Variants in AKT3 observed in about 807,000 individuals in gnomAD.
AKT3 encodes AKT serine/threonine kinase 3.
Under a neutral mutation model 65.3 loss-of-function variants are expected in AKT3, and 15 were observed. The ratio of observed to expected loss-of-function variants is 0.23; its 90% CI spans 0.15 to 0.35. The LOEUF is 0.35. Among genes scored for constraint, AKT3 ranks in the 10% least tolerant of loss-of-function variants. The pLI is 1.00. For missense variants in AKT3, 243 were observed against 576.5 expected (o/e 0.42, Z 5.92); for synonymous variants, 206 against 183.8 (o/e 1.12, Z -0.98).
chr1:243,772,738 A>G (rs1215722187), intron 2 of AKT3, among the ~76,000 whole-genome samples: 1 of 152,128 alleles, frequency 6.6e-6, no homozygotes, highest in African/African-American at 2.4e-5. Context: ...ACATGCACAC[A>G]TATGTTTATT....
intron 2 of AKT3, among the ~76,000 whole-genome samples, chr1:243,713,375 A>G (rs1364744408): frequency 6.6e-6 from 1 of 152,182 alleles, no homozygotes; most frequent in Non-Finnish European, 1.5e-5. Context: ...TAACGAAATA[A>G]GGGAGGGGGG....
chr1:243,542,274 T>C lies in AKT3; in HGVS notation c.1251+3236A>G, dbSNP rs192405477. On this transcript the variant is annotated intron_variant, in intron 12 of 13. Coordinates refer to ENST00000673466, the MANE Select transcript of AKT3 (RefSeq NM_005465.7). Reference sequence around the variant, plus strand: ...TTGAAGGTAGTTAAAGGATCATATCTTTTGCATGAGTAAATGACCTGTCCA... The same window carrying C: ...TTGAAGGTAGTTAAAGGATCATATCCTTTGCATGAGTAAATGACCTGTCCA... 1.1e-3 allele frequency among the ~76,000 whole-genome samples: 171 copies of C among 152,348 alleles called. 1 individual carries two copies. Among genetic ancestry groups the C allele is most frequent in the Non-Finnish European group, 2.0e-3 (133 of 68,038 alleles).
chr1:243,615,894 G>A (rs1470953957), intron 6 of AKT3, among the ~76,000 whole-genome samples: 1 of 151,812 alleles, frequency 6.6e-6, no homozygotes, highest in Non-Finnish European at 1.5e-5. Flanking sequence ...ACCATGCCCA[G>A]CCTTATATGC....
Position 243,750,859 on chromosome 1 carries a change from G to C in AKT3, c.47-55143C>G, listed in dbSNP as rs1159771450. Reference sequence around the variant, plus strand: ...GGCCTCCCAAAGTGCTGGGATTACAGGTATGAGCCACCACACCTAGCCAAT... The same window carrying C: ...GGCCTCCCAAAGTGCTGGGATTACACGTATGAGCCACCACACCTAGCCAAT... On this transcript the variant is annotated intron_variant, in intron 2 of 13. Transcript: ENST00000673466. 3.3e-5 allele frequency among the ~76,000 whole-genome samples: 5 copies of C among 151,920 alleles called. No individual in the cohort carries two copies. In the East Asian group the frequency reaches 9.7e-4, roughly 29 times the overall value.
chr1:243,806,084 A>G (rs1384934567), intron 2 of AKT3, among the ~76,000 whole-genome samples: 1 of 152,064 alleles, frequency 6.6e-6, no homozygotes, highest in Non-Finnish European at 1.5e-5. Context: ...CTTCTCACCC[A>G]AAAAAATTCC....
At chr1:243,509,513 C>G (rs1036317180) in intron 13 of AKT3, among the ~76,000 whole-genome samples, 2 of 152,100 alleles carry the variant, frequency 1.3e-5, no homozygotes, top group African/African-American at 4.8e-5. Flanking sequence ...GAGTCATATA[C>G]AACAGTTTCT....
intron 1 of AKT3, 62 bp downstream of exon 1, chr1:243,849,978 G>T: frequency 1.0e-6 from 1 of 969,118 alleles, no homozygotes; most frequent in Non-Finnish European, 1.2e-6. Context: ...CCGGGGCCCG[G>T]GGCCCGGAGG....
chr1:243,811,232 T>C (rs890460853), intron 2 of AKT3, among the ~76,000 whole-genome samples: 3 of 152,288 alleles, frequency 2.0e-5, no homozygotes, highest in Non-Finnish European at 2.9e-5. Context: ...GGAAGTCAAA[T>C]TGTCCCTATT....
chr1:243,495,954 C>T (rs1056299340), downstream of AKT3, among the ~76,000 whole-genome samples: 3 of 152,076 alleles, frequency 2.0e-5, no homozygotes, highest in Non-Finnish European at 2.9e-5. Context: ...CTCAGCTCTG[C>T]GTTGCTTCAG....
intron 8 of AKT3, among the ~76,000 whole-genome samples, chr1:243,592,580 G>A (rs938593448): frequency 6.6e-6 from 1 of 152,088 alleles, no homozygotes; most frequent in African/African-American, 2.4e-5. Flanking sequence ...ATGTAAAAAT[G>A]GCAAATTAGA....
At chr1:243,587,714 C>T (rs539862280) in intron 8 of AKT3, among the ~76,000 whole-genome samples, 13 of 152,056 alleles carry the variant, frequency 8.5e-5, no homozygotes, top group Non-Finnish European at 1.5e-4. Context: ...AATGTGAAAA[C>T]GGCCTTCCAA....
chr1:243,614,342 TCAGATATTCCAAA>T (rs1678130572), intron 7 of AKT3, among the ~76,000 whole-genome samples: 1 of 152,184 alleles, frequency 6.6e-6, no homozygotes, highest in East Asian at 1.9e-4. Flanking sequence ...AATGTCTATT[TCAGATATTCCAAA>T]CAGTGTAAAG....
Position 243,664,742 on chromosome 1 carries a change from T to C in AKT3, c.284+30A>G, listed in dbSNP as rs747935319. On this transcript the variant is annotated intron_variant, in intron 4 of 13. Transcript: ENST00000673466. Reference sequence around the variant, plus strand: ...CATCTTTAGATTGAGTGTTGCTTTTTCACAAAATGAAAACAAGTGAATTTC... The same window carrying C: ...CATCTTTAGATTGAGTGTTGCTTTTCCACAAAATGAAAACAAGTGAATTTC... The C allele has an allele frequency of 6.6e-6, 8 of 1,215,050 alleles. No homozygotes were observed. The East Asian group carries it at 1.9e-4, about 29-fold the overall frequency. 75.3% of individuals were successfully genotyped at this position (1,215,050 alleles called of 1,614,324 possible). A position where few individuals can be genotyped will look rare whatever the true frequency, so the allele number is the denominator to read the frequency against.
chr1:243,737,723 A>G (rs1291784572), intron 2 of AKT3, among the ~76,000 whole-genome samples: 1 of 152,194 alleles, frequency 6.6e-6, no homozygotes, highest in Non-Finnish European at 1.5e-5. Context: ...AACTATGAGA[A>G]TCCACAGGGA....
intron 2 of AKT3, among the ~76,000 whole-genome samples, chr1:243,756,789 C>T (rs1260640131): frequency 3.3e-5 from 5 of 152,128 alleles, no homozygotes; most frequent in African/African-American, 1.2e-4. Context: ...TAACAAAGGA[C>T]AAAAGAGTAC....
At chr1:243,568,082 G>A (rs927797206) in intron 9 of AKT3, among the ~76,000 whole-genome samples, 3 of 152,114 alleles carry the variant, frequency 2.0e-5, no homozygotes, top group East Asian at 1.9e-4. Flanking sequence ...TTTCTACTGC[G>A]TAAAGGAGGA....
rs763992613 is a variant in AKT3 at position 243,505,209 on chromosome 1, T to A, written c.*40A>T. On this transcript the variant is annotated 3_prime_UTR_variant, in exon 14 of 14. Coordinates refer to ENST00000673466, the MANE Select transcript of AKT3 (RefSeq NM_005465.7). ...GATGTCCAGGAATCATTTTCAGTAA[T>A]AAATTGAAGATGACAGTGAAGTAGC... 1.6e-5 allele frequency: 24 copies of A among 1,544,310 alleles called. No individual in the cohort carries two copies. The Admixed American group carries it at 3.2e-4, about 20-fold the overall frequency.
chr1:243,695,353 T>G (rs1215064307), intron 3 of AKT3, among the ~76,000 whole-genome samples: 3 of 151,982 alleles, frequency 2.0e-5, no homozygotes, highest in African/African-American at 7.2e-5. Context: ...TTTGGGGAAT[T>G]ATATTTATCA....
intron 5 of AKT3, among the ~76,000 whole-genome samples, chr1:243,643,087 T>A (rs927956593): frequency 6.6e-6 from 1 of 152,200 alleles, no homozygotes; most frequent in African/African-American, 2.4e-5. Context: ...AGTCAACTTC[T>A]ACATTGGTTA....
Sources: allele counts gnomAD v4.1 joint callset (sites outside exome capture counted in the v4.1 genomes callset), GRCh38; gene constraint gnomAD v4.1.1; transcripts MANE v1.5; gene names NCBI Gene and HGNC (gene_info 2026-07-23, HGNC 2026-07-21).